The following CYP24A1 variants were observed in gnomAD, a reference collection of about 807,000 sequenced individuals.
CYP24A1 encodes cytochrome P450 family 24 subfamily A member 1, also known as 1,25-dihydroxyvitamin D(3) 24-hydroxylase, mitochondrial.
Under a neutral mutation model 62.4 loss-of-function variants are expected in CYP24A1, and 68 were observed. That is an observed-to-expected ratio of 1.09 (90% CI 0.90 to 1.33). The LOEUF (loss-of-function observed/expected upper bound fraction) is 1.33. Ranked by LOEUF, CYP24A1 falls within the 40% of genes most tolerant of loss-of-function variation. The probability of loss-of-function intolerance (pLI) is 0.00; values close to 1 mark genes in which losing one functional copy is unlikely to be tolerated. For synonymous variants in CYP24A1, 267 were observed against 253.0 expected (o/e 1.06, Z -0.52); for missense variants, 787 against 653.0 (o/e 1.21, Z -2.24).
In CYP24A1 at chr20:54,159,139, A is replaced by C. The variant is rs766128524; in HGVS notation, c.991-16T>G. On this transcript the variant is annotated splice_polypyrimidine_tract_variant and intron_variant, in intron 7 of 11. Coordinates refer to ENST00000216862, the MANE Select transcript of CYP24A1 (RefSeq NM_000782.5). Reference sequence around the variant, plus strand: ...TGTTTGCTGTCTGCAAGCCAAATGGACATAAACTTGAGTTTTTGTAAATAA... The same window carrying C: ...TGTTTGCTGTCTGCAAGCCAAATGGCCATAAACTTGAGTTTTTGTAAATAA... The C allele has an allele frequency of 3.1e-6, 5 of 1,608,090 alleles. No individual in the cohort carries two copies. Among genetic ancestry groups the C allele is most frequent in the Non-Finnish European group, 4.3e-6 (5 of 1,174,558 alleles).
At chr20:54,170,410 C>G (rs949390218) in intron 3 of CYP24A1, among the ~76,000 whole-genome samples, 1 of 152,112 alleles carries the variant, frequency 6.6e-6, no homozygotes, top group Non-Finnish European at 1.5e-5. Flanking sequence ...CTTAAAGAGG[C>G]CAAGTCACTC....
At chr20:54,167,924 G>A (rs1486649621) in intron 4 of CYP24A1, among the ~76,000 whole-genome samples, 1 of 152,172 alleles carries the variant, frequency 6.6e-6, no homozygotes, top group Non-Finnish European at 1.5e-5. Flanking sequence ...TCACACTGCT[G>A]CTGAATACAT....
At chr20:54,167,304 G>A (rs1461190868) in intron 4 of CYP24A1, among the ~76,000 whole-genome samples, 2 of 152,120 alleles carry the variant, frequency 1.3e-5, no homozygotes, top group Non-Finnish European at 2.9e-5. Context: ...TACACCACTG[G>A]GAATATGTGA....
intron 10 of CYP24A1, 38 bp from the exon 11 acceptor site, chr20:54,157,327 C>T (rs779391200): frequency 1.4e-6 from 2 of 1,480,770 alleles, no homozygotes; most frequent in South Asian, 2.3e-5. Flanking sequence ...AATTACCCCT[C>T]TCTTCTTCTG....
rs186520020 is a variant in CYP24A1, at chr20:54,155,515, C to T, written c.*11-754G>A. ...TTGGGAGGCCGAGGCGGGTGGATCA[C>T]GAGGTCAGGAGTTCAAGACCAGTCT... is the stretch of plus-strand genomic sequence containing the variant. On this transcript the variant is annotated intron_variant, in intron 11 of 11. Coordinates refer to ENST00000216862, the MANE Select transcript of CYP24A1 (RefSeq NM_000782.5). Among the ~76,000 whole-genome samples the T allele has an allele frequency of 9.2e-5, 14 of 152,008 alleles. No individual in the cohort carries two copies. In the South Asian group the frequency reaches 1.9e-3, roughly 20 times the overall value.
At chr20:54,164,328 C>A in intron 6 of CYP24A1, 124 bp downstream of exon 6, 18 of 1,571,824 alleles carry the variant, frequency 1.1e-5, no homozygotes, top group Non-Finnish European at 1.5e-5. Context: ...CCCCAAAACA[C>A]CTGTGTTTGC....
At chr20:54,147,279 G>T in the CYP24A1 span, among the ~76,000 whole-genome samples, 1 of 152,200 alleles carries the variant, frequency 6.6e-6, no homozygotes, top group Non-Finnish European at 1.5e-5. Context: ...AAATAGATTA[G>T]TGGCCCTAAT....
Position 54,165,752 on chromosome 20 carries a change from GC to G in CYP24A1, c.721del (p.Ala241ProfsTer5). The stretch of plus-strand genomic sequence containing the variant: ...AAAGAGGCTGCTTACTGTTTTGATG[GC>G]CATGATGAAGTTCACAGCTTCATCC... The part of the protein sequence containing the change: ...AGDEAVNFIM[A>X]IKTMMSTFGR... On this transcript the variant is annotated frameshift_variant, in exon 5 of 12. Coordinates refer to ENST00000216862, the MANE Select transcript of CYP24A1 (RefSeq NM_000782.5). LOFTEE classifies it high-confidence loss of function. 2.1e-6 allele frequency: 3 copies of G among 1,454,852 alleles called. No homozygotes were observed. Among genetic ancestry groups the G allele is most frequent in the Non-Finnish European group, 2.9e-6 (3 of 1,034,372 alleles). The allele number at this position is 1,454,852 out of a possible 1,614,324, so 90.1% of individuals were successfully genotyped here. A position where few individuals can be genotyped will look rare whatever the true frequency, so the allele number is the denominator to read the frequency against.
At chr20:54,152,574 A>T (rs146029554), downstream of CYP24A1, among the ~76,000 whole-genome samples, 76 of 152,352 alleles carry the variant, frequency 5.0e-4, no homozygotes, top group Admixed American at 1.5e-3. Flanking sequence ...GGAGAAGAAC[A>T]GGCAGAGAAA....
intron 9 of CYP24A1, 152 bp from the exon 10 acceptor site, chr20:54,157,737 G>A (rs2092634641): frequency 4.2e-6 from 3 of 715,040 alleles, no homozygotes; most frequent in South Asian, 3.1e-5. Flanking sequence ...TGCTTAAAAT[G>A]TGCCAGGTAA....
At chr20:54,171,850 C>T (rs2146510050) in intron 2 of CYP24A1, 180 bp from the exon 3 acceptor site, 2 of 1,411,722 alleles carry the variant, frequency 1.4e-6, no homozygotes, top group Admixed American at 2.3e-5. Flanking sequence ...CATCTTTTGA[C>T]AATAGTTTGA....
At position 54,172,636 on chromosome 20, in the gene CYP24A1, C is replaced by T. The variant is rs1391264696; in HGVS notation, c.449+273G>A. Among the ~76,000 whole-genome samples, 3 of 152,212 alleles carry T rather than the reference C, an allele frequency of 2.0e-5. No individual in the cohort carries two copies. The East Asian group carries it at 5.8e-4, about 29-fold the overall frequency. On this transcript the variant is annotated intron_variant, in intron 2 of 11. Transcript: ENST00000216862. ...TCTGAACACCACAGTTGGTACAACC[C>T]TGTTTTGGCGTTTCTTTGATGGGAG... is the stretch of plus-strand genomic sequence containing the variant.
chr20:54,168,466 T>C (rs1205942146), intron 4 of CYP24A1, among the ~76,000 whole-genome samples: 2 of 152,122 alleles, frequency 1.3e-5, no homozygotes, highest in Admixed American at 1.3e-4. Context: ...TTGTTCATCG[T>C]GATCCACTCA....
At chr20:54,158,883 A>G in intron 8 of CYP24A1, 74 bp downstream of exon 8, 1 of 1,612,690 alleles carries the variant, frequency 6.2e-7, no homozygotes, top group Admixed American at 1.7e-5. Flanking sequence ...GCCCATGAGT[A>G]GGGGACCACT....
intron 4 of CYP24A1, among the ~76,000 whole-genome samples, chr20:54,167,993 C>T (rs2092678342): frequency 6.6e-6 from 1 of 152,174 alleles, no homozygotes; most frequent in African/African-American, 2.4e-5. Flanking sequence ...TACAGCCCTC[C>T]ATGAGCTGGC....
chr20:54,157,463 A>T lies in CYP24A1; in HGVS notation c.1359T>A (p.Leu453=), dbSNP rs749398769. 2.5e-6 allele frequency: 4 copies of T among 1,601,528 alleles called. No individual in the cohort carries two copies. Among genetic ancestry groups the T allele is most frequent in the South Asian group, 1.1e-5 (1 of 90,824 alleles). Residue 453 remains leucine, a synonymous_variant, in exon 10 of 12, where the codon CTT becomes CTA. Coordinates refer to ENST00000216862, the MANE Select transcript of CYP24A1 (RefSeq NM_000782.5). The part of the protein sequence containing the change: ...EKEKINPFAH[L]PFGVGKRMCI... ...ACATTCTTTTTCCAACGCCAAATGG[A>T]AGATGCGCAAAAGGATTAATTTTTT...
the CYP24A1 span, among the ~76,000 whole-genome samples, chr20:54,144,212 CTTTCT>C: frequency 7.3e-6 from 1 of 136,814 alleles, no homozygotes; most frequent in Non-Finnish European, 1.5e-5. Flanking sequence ...TTTTCTCTTT[CTTTCT>C]TTTTTTTTTT....
In CYP24A1 at chr20:54,157,452, A is replaced by G. The variant is rs2092633082; in HGVS notation, c.1370T>C (p.Val457Ala). Residue 457 changes from valine (V) to alanine (A), a missense_variant, in exon 10 of 12, where the codon GTT becomes GCT. Physicochemically the swap from Val to Ala is moderately conservative, Grantham distance 64 (BLOSUM62 0). Transcript: ENST00000216862. ...GCGACCAATGCACATTCTTTTTCCA[A>G]CGCCAAATGGAAGATGCGCAAAAGG... ...INPFAHLPFG[V>A]GKRMCIGRRL... 4 of 1,605,368 alleles carry G rather than the reference A, an allele frequency of 2.5e-6. No individual in the cohort carries two copies. In the East Asian group the frequency reaches 6.7e-5, roughly 27 times the overall value.
chr20:54,171,704 C>T (rs1047315149), intron 2 of CYP24A1, 34 bp from the exon 3 acceptor site: 8 of 1,613,808 alleles, frequency 5.0e-6, no homozygotes, highest in Non-Finnish European at 6.8e-6. Flanking sequence ...TTAGAGCACA[C>T]TGAAAAGAAA....
Sources: gnomAD v4.1 joint callset for allele counts (sites outside exome capture counted in the v4.1 genomes callset) on GRCh38, gnomAD v4.1.1 for gene constraint, MANE v1.5 for transcripts, NCBI Gene and HGNC (gene_info 2026-07-23, HGNC 2026-07-21) for gene names.